NAALADL2: variants seen among roughly 807,000 people sequenced by gnomAD.
The protein encoded by NAALADL2 is inactive N-acetylated-alpha-linked acidic dipeptidase-like protein 2.
A neutral mutation model predicts 87.2 loss-of-function variants in NAALADL2; 76 were observed. The observed-to-expected ratio is 0.87, with a 90% CI of 0.72 to 1.05. The LOEUF (loss-of-function observed/expected upper bound fraction) is 1.05. NAALADL2 is among the 50% of genes least tolerant of loss of function. NAALADL2 has a pLI of 0.00. For missense variants in NAALADL2, 1,089 were observed against 945.8 expected (o/e 1.15, Z -1.99); for synonymous variants, 354 against 331.0 (o/e 1.07, Z -0.75).
intron 2 of NAALADL2, among the ~76,000 whole-genome samples, chr3:174,671,790 C>A (rs1169743488): frequency 6.6e-6 from 1 of 152,048 alleles, no homozygotes; most frequent in East Asian, 1.9e-4. Flanking sequence ...TTTGGTGCTG[C>A]AAACTTGAAG....
At chr3:174,894,054 T>C (rs1349082317) in intron 1 of NAALADL2, among the ~76,000 whole-genome samples, 1 of 152,124 alleles carries the variant, frequency 6.6e-6, no homozygotes, top group African/African-American at 2.4e-5. Flanking sequence ...CAGGAGTCAC[T>C]GTACTTAGAG....
chr3:175,713,404 A>C (rs1348113828), intron 11 of NAALADL2, among the ~76,000 whole-genome samples: 1 of 152,126 alleles, frequency 6.6e-6, no homozygotes, highest in African/African-American at 2.4e-5. Context: ...TGATTCATAC[A>C]TTTTTGTTAC....
intron 2 of NAALADL2, among the ~76,000 whole-genome samples, chr3:174,636,833 G>GA (rs1316681540): frequency 6.6e-6 from 1 of 152,034 alleles, no homozygotes; most frequent in African/African-American, 2.4e-5. Context: ...TTATCCAAAG[G>GA]AAAATACATC....
chr3:175,783,512 T>C (rs933526053), intron 13 of NAALADL2, among the ~76,000 whole-genome samples: 1 of 151,762 alleles, frequency 6.6e-6, no homozygotes, highest in Non-Finnish European at 1.5e-5. Context: ...CTGTCTGTTA[T>C]TGGTGTATAA....
intron 10 of NAALADL2, among the ~76,000 whole-genome samples, chr3:175,587,760 C>T (rs370371556): frequency 2.0e-5 from 3 of 152,118 alleles, no homozygotes; most frequent in South Asian, 2.1e-4. Context: ...ACTTTGACCC[C>T]GTCTCGTACC....
intron 5 of NAALADL2, among the ~76,000 whole-genome samples, chr3:175,393,393 C>G (rs1232623912): frequency 7.1e-6 from 1 of 141,636 alleles, no homozygotes; most frequent in Non-Finnish European, 1.5e-5. Context: ...TATACAAATG[C>G]AAAGTATTAC....
chr3:175,434,168 A>T (rs1560542961), intron 5 of NAALADL2, among the ~76,000 whole-genome samples: 1 of 152,028 alleles, frequency 6.6e-6, no homozygotes, highest in Non-Finnish European at 1.5e-5. Flanking sequence ...ATAGTAAGAC[A>T]TTCACCTCAA....
intron 6 of NAALADL2, among the ~76,000 whole-genome samples, chr3:175,455,605 T>G (rs950358180): frequency 6.6e-6 from 1 of 152,146 alleles, no homozygotes; most frequent in Non-Finnish European, 1.5e-5. Context: ...CAAGCTCACA[T>G]GAATACTTGC....
intron 3 of NAALADL2, among the ~76,000 whole-genome samples, chr3:175,241,822 G>T (rs1239719532): frequency 7.0e-6 from 1 of 142,434 alleles, no homozygotes; most frequent in Non-Finnish European, 1.5e-5. Context: ...CAACACATGT[G>T]GCATTTTTAG....
chr3:174,472,156 C>CT (rs1362769297), intron 1 of NAALADL2, among the ~76,000 whole-genome samples: 3 of 152,132 alleles, frequency 2.0e-5, no homozygotes, highest in African/African-American at 7.2e-5. Flanking sequence ...TTGTCTAGGA[C>CT]TGAGGAGTTA....
Position 175,151,702 on chromosome 3 carries a change from A to G in NAALADL2, c.545+54411A>G, listed in dbSNP as rs965016426. Among the ~76,000 whole-genome samples, 13 of 152,304 alleles carry G rather than the reference A, an allele frequency of 8.5e-5. No individual in the cohort carries two copies. The South Asian group carries it at 1.4e-3, about 17-fold the overall frequency. ...ATCATACATACATACACGCACATGC[A>G]TACATACTACTCGACTTTATGGAAA... On this transcript the variant is annotated intron_variant, in intron 2 of 13. Coordinates refer to ENST00000454872, the MANE Select transcript of NAALADL2 (RefSeq NM_207015.3).
chr3:175,448,483 A>T (rs1466445436), intron 6 of NAALADL2, among the ~76,000 whole-genome samples: 1 of 152,168 alleles, frequency 6.6e-6, no homozygotes, highest in African/African-American at 2.4e-5. Context: ...TTAAATAATT[A>T]ATTAATTCAA....
rs537162620 is a variant in NAALADL2, at chr3:174,953,902, C to A, written c.43+94452C>A. 6.6e-5 allele frequency among the ~76,000 whole-genome samples: 10 copies of A among 152,132 alleles called. No individual in the cohort carries two copies. The South Asian group carries it at 2.1e-3, about 32-fold the overall frequency. On this transcript the variant is annotated intron_variant, in intron 1 of 13. Transcript: ENST00000454872. ...AAACACACATGACATACACTCCGTT[C>A]TCTGTCCTCAGTGGCTAGATTTCAG... is the stretch of plus-strand genomic sequence containing the variant.
rs1413767891 is a variant in NAALADL2, at chr3:174,633,137, G to GT, written c.-115+82507dup. The stretch of plus-strand genomic sequence containing the variant: ...TTGATACTACCAGTATTTGGTTGCC[G>GT]TTTTTTTGGCATTTGACATGTAAAA... On this transcript the variant is annotated intron_variant, in intron 2 of 3. Transcript: ENST00000434257. 8.2e-4 allele frequency among the ~76,000 whole-genome samples: 124 copies of GT among 151,514 alleles called. 1 individual carries two copies. The highest frequency in any genetic ancestry group is 7.4e-5 in the Non-Finnish European group (5 of 67,904).
At chr3:174,816,417 T>TGTGTGCGC (rs1553863794) in intron 3 of NAALADL2, among the ~76,000 whole-genome samples, 1 of 149,920 alleles carries the variant, frequency 6.7e-6, no homozygotes, top group African/African-American at 2.4e-5. Flanking sequence ...TGTGTGCGTG[T>TGTGTGCGC]GTGTGTGTGT....
intron 2 of NAALADL2, among the ~76,000 whole-genome samples, chr3:175,216,750 C>A (rs1466460305): frequency 2.0e-5 from 3 of 148,434 alleles, no homozygotes; most frequent in Non-Finnish European, 4.4e-5. Flanking sequence ...CTCATCGCAA[C>A]CTCCACCTCC....
At chr3:175,447,088 G>T (rs931729564) in intron 5 of NAALADL2, 141 bp from the exon 6 acceptor site, 2 of 542,734 alleles carry the variant, frequency 3.7e-6, no homozygotes. Context: ...AGTAAACAGG[G>T]TATAACTAAG....
chr3:174,611,719 T>C (rs1211256802), intron 2 of NAALADL2, among the ~76,000 whole-genome samples: 1 of 152,002 alleles, frequency 6.6e-6, no homozygotes, highest in African/African-American at 2.4e-5. Flanking sequence ...GCCTCCTGAC[T>C]AGCTGGGATT....
At chr3:174,686,521 A>G (rs531104942) in intron 2 of NAALADL2, among the ~76,000 whole-genome samples, 9 of 151,090 alleles carry the variant, frequency 6.0e-5, no homozygotes, top group Non-Finnish European at 1.0e-4. Context: ...TGGCTGCTGG[A>G]GGCATCATGC....
Sources: allele counts gnomAD v4.1 joint callset (sites outside exome capture counted in the v4.1 genomes callset), GRCh38; gene constraint gnomAD v4.1.1; transcripts MANE v1.5; gene names NCBI Gene and HGNC (gene_info 2026-07-23, HGNC 2026-07-21).